Variants in TLE4 observed in about 807,000 individuals in gnomAD.
TLE4 encodes transducin-like enhancer protein 4.
TLE4 carries 8 observed loss-of-function variants against 92.8 expected under a neutral mutation model. The ratio of observed to expected loss-of-function variants is 0.09; its 90% CI spans 0.05 to 0.16. TLE4 has a LOEUF of 0.16. Among genes scored for constraint, TLE4 ranks in the 10% least tolerant of loss-of-function variants. The pLI is 1.00. For synonymous variants in TLE4, 371 were observed against 374.1 expected (o/e 0.99, Z 0.10); for missense variants, 675 against 997.6 (o/e 0.68, Z 4.36).
At chr9:79,587,657 G>A (rs1479618901) in intron 4 of TLE4, among the ~76,000 whole-genome samples, 1 of 152,100 alleles carries the variant, frequency 6.6e-6, no homozygotes, top group Non-Finnish European at 1.5e-5. Flanking sequence ...TGTGTGGACA[G>A]CTAAAACAAT....
In TLE4 at chr9:79,709,673, C is replaced by G. The variant is rs1331948485; in HGVS notation, c.1314C>G (p.Asn438Lys). 2 of 1,614,114 alleles carry G rather than the reference C, an allele frequency of 1.2e-6. No homozygotes were observed. The highest frequency in any genetic ancestry group is 2.2e-5 in the South Asian group (2 of 91,066). Residue 438 changes from asparagine (N) to lysine (K), a missense_variant, in exon 14 of 20, where the codon AAC becomes AAG. This residue lies in a region of TLE4 where 119 missense variants were observed against 175.9 expected (regional missense o/e 0.68). Transcript: ENST00000376552. Reference protein sequence around the residue: ...HHMRVPAIPPNLTGIPGGKPA... With the variant: ...HHMRVPAIPPKLTGIPGGKPA... Reference sequence around the variant, plus strand: ...TGCGTGTGCCAGCAATACCTCCAAACCTGACAGGCATTCCAGGAGGAAAAC... The same window carrying G: ...TGCGTGTGCCAGCAATACCTCCAAAGCTGACAGGCATTCCAGGAGGAAAAC...
intron 4 of TLE4, among the ~76,000 whole-genome samples, chr9:79,604,693 C>G (rs1259091556): frequency 6.6e-6 from 1 of 152,086 alleles, no homozygotes; most frequent in Admixed American, 6.6e-5. Context: ...GAGCATGGCT[C>G]TCTGTATAAA....
intron 15 of TLE4, 77 bp from the exon 16 acceptor site, chr9:79,719,969 T>C (rs991573728): frequency 4.9e-5 from 75 of 1,521,110 alleles, no homozygotes; most frequent in Admixed American, 8.1e-5. Flanking sequence ...CACAATACTT[T>C]TATGGATTTC....
At chr9:79,690,959 A>AC (rs2066951763) in intron 8 of TLE4, among the ~76,000 whole-genome samples, 1 of 151,856 alleles carries the variant, frequency 6.6e-6, no homozygotes, top group Non-Finnish European at 1.5e-5. Context: ...TTACACTAAG[A>AC]ACCTGTATCT....
At position 79,708,851 on chromosome 9, in the gene TLE4, C is replaced by T. The variant is rs775448000; in HGVS notation, c.1263+65C>T. On this transcript the variant is annotated intron_variant, in intron 13 of 19. Transcript: ENST00000376552. ...GAGGATTGTCATGCTTGATTGATTG[C>T]GACAGGGTCTCGCTCTGTCACCCAG... is the stretch of plus-strand genomic sequence containing the variant. The T allele has an allele frequency of 2.8e-4, 417 of 1,500,388 alleles. 2 individuals are homozygous for T. The highest frequency in any genetic ancestry group is 4.0e-4 in the Admixed American group (20 of 49,782). The allele number at this position is 1,500,388 out of a possible 1,614,324, so 92.9% of individuals were successfully genotyped here. A position where few individuals can be genotyped will look rare whatever the true frequency, so the allele number is the denominator to read the frequency against.
chr9:79,712,904 G>A (rs1565140877), intron 14 of TLE4, among the ~76,000 whole-genome samples: 1 of 152,202 alleles, frequency 6.6e-6, no homozygotes, highest in East Asian at 1.9e-4. Context: ...CACGTTAGTG[G>A]ATTATAGGCT....
At chr9:79,637,664 A>G (rs557877358) in intron 6 of TLE4, among the ~76,000 whole-genome samples, 1 of 152,290 alleles carries the variant, frequency 6.6e-6, no homozygotes, top group East Asian at 1.9e-4. Context: ...CTCTTGACTC[A>G]TACGTTGTTG....
At chr9:79,719,634 C>A (rs1183283025) in intron 15 of TLE4, among the ~76,000 whole-genome samples, 1 of 152,156 alleles carries the variant, frequency 6.6e-6, no homozygotes, top group Non-Finnish European at 1.5e-5. Context: ...CTGAAACTTT[C>A]TTGACATCAG....
intron 8 of TLE4, among the ~76,000 whole-genome samples, chr9:79,672,141 G>A (rs866159534): frequency 1.3e-4 from 20 of 151,460 alleles, no homozygotes; most frequent in South Asian, 1.0e-3. Flanking sequence ...GAGAGGGTGC[G>A]CAGAATGGAA....
At chr9:79,719,436 A>G (rs1198374362) in intron 15 of TLE4, among the ~76,000 whole-genome samples, 1 of 152,108 alleles carries the variant, frequency 6.6e-6, no homozygotes, top group Non-Finnish European at 1.5e-5. Context: ...AGGCTACATC[A>G]GTTGAACATA....
chr9:79,620,380 A>G (rs766625117), intron 5 of TLE4, among the ~76,000 whole-genome samples: 9 of 152,196 alleles, frequency 5.9e-5, no homozygotes, highest in Non-Finnish European at 1.3e-4. Flanking sequence ...CATTTCCAAC[A>G]TTGCCCAAAG....
chr9:79,712,229 T>A (rs2073484602), intron 14 of TLE4, among the ~76,000 whole-genome samples: 1 of 152,210 alleles, frequency 6.6e-6, no homozygotes. Context: ...TAGTAGGAGG[T>A]ACATTGTGTT....
chr9:79,629,457 A>G (rs1288385159), intron 6 of TLE4, among the ~76,000 whole-genome samples: 1 of 152,150 alleles, frequency 6.6e-6, no homozygotes, highest in Non-Finnish European at 1.5e-5. Flanking sequence ...ATTAGACTGC[A>G]GCCAAGTTAC....
intron 4 of TLE4, among the ~76,000 whole-genome samples, chr9:79,598,744 C>G (rs1217095473): frequency 6.6e-6 from 1 of 152,110 alleles, no homozygotes; most frequent in Non-Finnish European, 1.5e-5. Flanking sequence ...GGGTTTTCTT[C>G]CCCTCCTCAC....
At chr9:79,574,756 G>A in intron 2 of TLE4, 117 bp from the exon 3 acceptor site, 1 of 791,640 alleles carries the variant, frequency 1.3e-6, no homozygotes, top group South Asian at 1.6e-5. Context: ...AATGATGGGG[G>A]TATTTATTTA....
chr9:79,708,387 G>A (rs929181233), intron 12 of TLE4, 137 bp downstream of exon 12: 47 of 1,186,878 alleles, frequency 4.0e-5, no homozygotes, highest in African/African-American at 2.2e-4. Flanking sequence ...AACCTGAACC[G>A]AGCACCTGGG....
intron 8 of TLE4, among the ~76,000 whole-genome samples, chr9:79,682,598 C>T (rs539859355): frequency 6.6e-6 from 1 of 152,300 alleles, no homozygotes; most frequent in South Asian, 2.1e-4. Flanking sequence ...AATGTTCAGG[C>T]AGGTGTTCCA....
chr9:79,644,872 A>T (rs1587743270), intron 6 of TLE4, among the ~76,000 whole-genome samples: 1 of 152,192 alleles, frequency 6.6e-6, no homozygotes, highest in Non-Finnish European at 1.5e-5. Flanking sequence ...AGCAGCTCAC[A>T]GCTTGGCTAG....
intron 8 of TLE4, among the ~76,000 whole-genome samples, chr9:79,667,055 A>G (rs972913541): frequency 2.0e-5 from 3 of 152,220 alleles, no homozygotes; most frequent in African/African-American, 7.2e-5. Context: ...TACACACCCT[A>G]GTTCTTACTT....
Sources: allele counts gnomAD v4.1 joint callset (sites outside exome capture counted in the v4.1 genomes callset), GRCh38; gene constraint gnomAD v4.1.1; regional missense constraint gnomAD v4.1.1; transcripts MANE v1.5; gene names NCBI Gene and HGNC (gene_info 2026-07-23, HGNC 2026-07-21).